The following RBM14 variants were observed in gnomAD, a reference collection of about 807,000 sequenced individuals.
The protein encoded by RBM14 is RNA-binding protein 14.
Under a neutral mutation model 52.8 loss-of-function variants are expected in RBM14, and 5 were observed. The ratio of observed to expected loss-of-function variants is 0.09; its 90% CI spans 0.05 to 0.20. The LOEUF is 0.20. RBM14 is among the 10% of genes least tolerant of loss of function. The pLI is 1.00. For synonymous variants in RBM14, 411 were observed against 401.8 expected (o/e 1.02, Z -0.28); for missense variants, 780 against 926.6 (o/e 0.84, Z 2.05).
intron 1 of RBM14, chr11:66,618,624 A>T (rs1858955858): frequency 2.8e-6 from 2 of 713,754 alleles, no homozygotes; most frequent in Non-Finnish European, 5.2e-6. Flanking sequence ...CAGATTGGGT[A>T]CTTGTCCAGC....
rs768928579 is a variant in RBM14 at position 66,624,569 on chromosome 11, G to A, written c.693G>A (p.Thr231=). 29 of 1,612,210 alleles carry A rather than the reference G, an allele frequency of 1.8e-5. No homozygotes were observed. Among genetic ancestry groups the A allele is most frequent in the Non-Finnish European group, 2.2e-5 (26 of 1,179,994 alleles). The stretch of plus-strand genomic sequence containing the variant: ...GAGCCTCTTATGTGGCTCCTCTGAC[G>A]GCCCAGCCAGCTACCTACCGGGCCC... ...PPRASYVAPL[T]AQPATYRAQP... is the part of the protein sequence containing the mutation. The change falls in exon 2 of 3, where the codon ACG becomes ACA. Residue 231 remains threonine, a synonymous_variant. Transcript: ENST00000310137. This position sits in a 1 kb window ranked among gnomAD's most constrained non-coding sequence, Gnocchi z 4.7.
chr11:66,619,677 C>T (rs557814020), intron 1 of RBM14, among the ~76,000 whole-genome samples: 16 of 152,150 alleles, frequency 1.1e-4, no homozygotes, highest in Admixed American at 2.6e-4. Context: ...CGCCATTCTC[C>T]TGCCTCAGCC....
Position 66,624,564 on chromosome 11 carries a change from C to G in RBM14, c.688C>G (p.Leu230Val). Residue 230 changes from leucine (L) to valine (V), a missense_variant, in exon 2 of 3, where the codon CTG becomes GTG. Leu to Val is a conservative substitution (Grantham distance 32). Around this residue, in one of 4 missense-constraint regions of RBM14, gnomAD observed 675 missense variants for 697.3 expected, o/e 0.97. Transcript: ENST00000310137. This position sits in a 1 kb window ranked among gnomAD's most constrained non-coding sequence, Gnocchi z 4.7. ...TCCCCGAGCCTCTTATGTGGCTCCT[C>G]TGACGGCCCAGCCAGCTACCTACCG... ...SPPRASYVAP[L>V]TAQPATYRAQ... 6.2e-7 allele frequency: 1 copy of G among 1,612,710 alleles called. No individual in the cohort carries two copies. Among genetic ancestry groups the G allele is most frequent in the Non-Finnish European group, 8.5e-7 (1 of 1,180,012 alleles).
chr11:66,619,410 A>G (rs952434939), intron 1 of RBM14: 1 of 152,270 alleles, frequency 6.6e-6, no homozygotes, highest in Non-Finnish European at 1.5e-5. Context: ...GCTTCCTCCT[A>G]TTGGGTGTTC....
intron 1 of RBM14, among the ~76,000 whole-genome samples, chr11:66,618,729 G>A (rs887038171): frequency 2.0e-5 from 3 of 152,154 alleles, no homozygotes; most frequent in Non-Finnish European, 2.9e-5. Context: ...GTGGCTACTA[G>A]GTTGAGAGTC....
In RBM14 at chr11:66,628,325, A is replaced by C. The variant is rs368590565; in HGVS notation, c.*1657A>C. 4.2e-4 allele frequency among the ~76,000 whole-genome samples: 64 copies of C among 152,264 alleles called. No homozygotes were observed. Among genetic ancestry groups the C allele is most frequent in the African/African-American group, 1.4e-3 (60 of 41,548 alleles). ...CTTTAAAGACTCGATTTGGGAGCCT[A>C]CTGGGGCAAGGCGACTGGGGAGGTG... is the stretch of plus-strand genomic sequence containing the variant. On this transcript the variant is annotated 3_prime_UTR_variant, in exon 3 of 3. Coordinates refer to ENST00000310137, the MANE Select transcript of RBM14 (RefSeq NM_006328.4).
Position 66,624,008 on chromosome 11 carries a change from G to T in RBM14, c.338-206G>T. Reference sequence around the variant, plus strand: ...TTTGTAAAGGGGAGAATGGGAAGAAGGCTGTAGGCAAAGATGACTGCTTGG... The same window carrying T: ...TTTGTAAAGGGGAGAATGGGAAGAATGCTGTAGGCAAAGATGACTGCTTGG... On this transcript the variant is annotated intron_variant, in intron 1 of 2. Coordinates refer to ENST00000310137, the MANE Select transcript of RBM14 (RefSeq NM_006328.4). This position sits in a 1 kb window ranked among gnomAD's most constrained non-coding sequence, Gnocchi z 4.7. 1 of 864,814 alleles carries T rather than the reference G, an allele frequency of 1.2e-6. No homozygotes were observed. Among genetic ancestry groups the T allele is most frequent in the South Asian group, 1.4e-5 (1 of 70,520 alleles). The allele number at this position is 864,814 out of a possible 1,614,324, so 53.6% of individuals were successfully genotyped here.
chr11:66,617,274 T>G, intron 1 of RBM14: 1 of 1,347,614 alleles, frequency 7.4e-7, no homozygotes. Flanking sequence ...TCTGGGTGGG[T>G]GCGGCGGCCA....
intron 2 of RBM14, among the ~76,000 whole-genome samples, chr11:66,626,103 T>C (rs1937793246): frequency 6.6e-6 from 1 of 152,228 alleles, no homozygotes. Flanking sequence ...GTGCGTCCAC[T>C]CTGGGAAGTT....
At chr11:66,620,566 T>C (rs1859060303) in intron 1 of RBM14, among the ~76,000 whole-genome samples, 1 of 152,174 alleles carries the variant, frequency 6.6e-6, no homozygotes, top group South Asian at 2.1e-4. Flanking sequence ...CCTCCCAAAG[T>C]GTTGGGATTA....
At chr11:66,617,216 C>T in intron 1 of RBM14, 159 bp downstream of exon 1, 4 of 1,430,512 alleles carry the variant, frequency 2.8e-6, no homozygotes, top group African/African-American at 1.4e-5. Context: ...TAGAGCCACC[C>T]TCCTCCCCTG....
rs755645996 is a variant in RBM14, at chr11:66,624,776, T to C, written c.900T>C (p.Ser300=). 5 of 1,614,068 alleles carry C rather than the reference T, an allele frequency of 3.1e-6. No homozygotes were observed. Among genetic ancestry groups the C allele is most frequent in the Non-Finnish European group, 4.2e-6 (5 of 1,179,970 alleles). The change falls in exon 2 of 3, where the codon TCT becomes TCC. Residue 300 remains serine, a synonymous_variant. Coordinates refer to ENST00000310137, the MANE Select transcript of RBM14 (RefSeq NM_006328.4). This position sits in a 1 kb window ranked among gnomAD's most constrained non-coding sequence, Gnocchi z 4.7. ...CTAGCTCCCAGTCTGCTGCAGCTTC[T>C]TCACTCGGCCCATATGGTGGAGCCC... ...ASPSSQSAAA[S]SLGPYGGAQP...
In RBM14 at chr11:66,626,628, G is replaced by A. The variant is rs748136584; in HGVS notation, c.1970G>A (p.Arg657Gln). Residue 657 changes from arginine (R) to glutamine (Q), a missense_variant, in exon 3 of 3, where the codon CGG (arginine) becomes CAG (glutamine). This residue lies in a region of RBM14 where 675 missense variants were observed against 697.3 expected (regional missense o/e 0.97). Transcript: ENST00000310137. Reference sequence around the variant, plus strand: ...TCGGGCTCCTATAATGATTACCTGCGGGCGGCTCAGATGCACTCTGGCTAC... The same window carrying A: ...TCGGGCTCCTATAATGATTACCTGCAGGCGGCTCAGATGCACTCTGGCTAC... ...RYSGSYNDYL[R>Q]AAQMHSGYQR... 1.9e-6 allele frequency: 3 copies of A among 1,612,292 alleles called. No individual in the cohort carries two copies. Among genetic ancestry groups the A allele is most frequent in the East Asian group, 2.2e-5 (1 of 44,866 alleles).
chr11:66,620,284 ATTTATT>A (rs1021511504), intron 1 of RBM14, among the ~76,000 whole-genome samples: 2 of 151,758 alleles, frequency 1.3e-5, no homozygotes, highest in African/African-American at 4.8e-5. Context: ...TAAATTTTGT[ATTTATT>A]TTTATGTTAT....
intron 1 of RBM14, chr11:66,617,668 C>G (rs146855364): frequency 1.5e-6 from 1 of 659,522 alleles, no homozygotes; most frequent in Non-Finnish European, 1.9e-6. Context: ...ATCACTTTGG[C>G]CTTTCAATAT....
intron 2 of RBM14, among the ~76,000 whole-genome samples, chr11:66,626,096 C>T (rs926853640): frequency 3.9e-5 from 6 of 152,298 alleles, no homozygotes; most frequent in East Asian, 3.9e-4. Context: ...TTACGAGGTG[C>T]GTCCACTCTG....
chr11:66,618,517 C>A, intron 1 of RBM14: 1 of 717,462 alleles, frequency 1.4e-6, no homozygotes, highest in Non-Finnish European at 2.6e-6. Flanking sequence ...CCACGACTAT[C>A]CGGAATCGGG....
chr11:66,624,104 C>T lies in RBM14; in HGVS notation c.338-110C>T. 7.8e-6 allele frequency: 12 copies of T among 1,537,660 alleles called. No homozygotes were observed. Among genetic ancestry groups the T allele is most frequent in the Non-Finnish European group, 1.1e-5 (12 of 1,139,326 alleles). ...CTCCTGGAGAGGAGGGTTTGGAGGCCTTGGAGGTAGCTGGCAACAGCTGGG... is the reference window on the plus strand; with the variant it reads ...CTCCTGGAGAGGAGGGTTTGGAGGCTTTGGAGGTAGCTGGCAACAGCTGGG... On this transcript the variant is annotated intron_variant, in intron 1 of 2. Coordinates refer to ENST00000310137, the MANE Select transcript of RBM14 (RefSeq NM_006328.4). The surrounding 1 kb of genome is among the most constrained non-coding windows in gnomAD (Gnocchi z 4.7).
chr11:66,620,880 A>G (rs909984476), intron 1 of RBM14: 2 of 151,948 alleles, frequency 1.3e-5, no homozygotes, highest in Non-Finnish European at 2.9e-5. Flanking sequence ...ACAAGTGCCT[A>G]TGAGCTCCAG....
Sources: gnomAD v4.1 joint callset for allele counts (sites outside exome capture counted in the v4.1 genomes callset) on GRCh38, gnomAD v4.1.1 for gene constraint, gnomAD v4.1.1 regional missense constraint, Gnocchi (gnomAD v3.1) non-coding constraint, MANE v1.5 for transcripts, NCBI Gene and HGNC (gene_info 2026-07-23, HGNC 2026-07-21) for gene names.